Variants in ENOX1 observed in about 807,000 individuals in gnomAD.
The protein encoded by ENOX1 is candidate growth-related and time keeping constitutive hydroquinone (NADH) oxidase.
A neutral mutation model predicts 82.5 loss-of-function variants in ENOX1; 42 were observed. That is an observed-to-expected ratio of 0.51 (90% CI 0.40 to 0.66). The LOEUF (loss-of-function observed/expected upper bound fraction) is 0.66, where lower values mean the gene tolerates loss of function less well. Ranked by LOEUF, ENOX1 falls within the 30% of genes least tolerant of loss-of-function variation. The pLI, the probability that ENOX1 is intolerant of heterozygous loss-of-function variation, is 0.00. For synonymous variants in ENOX1, 271 were observed against 282.2 expected (o/e 0.96, Z 0.40); for missense variants, 608 against 811.6 (o/e 0.75, Z 3.05).
At chr13:43,258,440 G>C (rs2043872204) in intron 14 of ENOX1, among the ~76,000 whole-genome samples, 1 of 152,188 alleles carries the variant, frequency 6.6e-6, no homozygotes, top group African/African-American at 2.4e-5. Flanking sequence ...GTTGTAGAGG[G>C]AGAGCAGGGT....
intron 2 of ENOX1, chr13:43,545,588 GC>G (rs2078941238): frequency 6.6e-6 from 1 of 152,404 alleles, no homozygotes; most frequent in African/African-American, 2.4e-5. Context: ...CCAGGATCCT[GC>G]CTCTCTCCCT....
intron 3 of ENOX1, among the ~76,000 whole-genome samples, chr13:43,436,161 G>A (rs1214588015): frequency 6.6e-6 from 1 of 152,142 alleles, no homozygotes; most frequent in East Asian, 1.9e-4. Flanking sequence ...AAGTTGCTTT[G>A]AGAAAAATGT....
At chr13:43,704,047 A>G (rs1467532240) in intron 1 of ENOX1, among the ~76,000 whole-genome samples, 5 of 152,078 alleles carry the variant, frequency 3.3e-5, no homozygotes, top group Non-Finnish European at 2.9e-5. Flanking sequence ...AGAATTATGG[A>G]TAACAAATTA....
chr13:43,472,987 A>T (rs1021691347), intron 3 of ENOX1, among the ~76,000 whole-genome samples: 3 of 152,222 alleles, frequency 2.0e-5, no homozygotes, highest in African/African-American at 7.2e-5. Context: ...AATAAAAGGG[A>T]GTAGAATTTC....
At chr13:43,431,781 C>G (rs1239536458) in intron 3 of ENOX1, among the ~76,000 whole-genome samples, 1 of 152,128 alleles carries the variant, frequency 6.6e-6, no homozygotes, top group Admixed American at 6.5e-5. Flanking sequence ...CATATGGGTC[C>G]TTGCTGACAT....
chr13:43,440,624 GTACTT>G lies in ENOX1; in HGVS notation c.-74-27641_-74-27637del, dbSNP rs562270671. Reference sequence around the variant, plus strand: ...ATCTCATGTAGTTTCCATAAAAACTGTACTTTACCAATCAGAAAACTAAAAATAAG... The same window carrying G: ...ATCTCATGTAGTTTCCATAAAAACTGTACCAATCAGAAAACTAAAAATAAG... On this transcript the variant is annotated intron_variant, in intron 3 of 16. Coordinates refer to ENST00000690772, the MANE Select transcript of ENOX1 (RefSeq NM_001347969.2). 5.5e-4 allele frequency among the ~76,000 whole-genome samples: 83 copies of G among 152,184 alleles called. No homozygotes were observed. In the East Asian group the frequency reaches 0.016, roughly 29 times the overall value.
intron 1 of ENOX1, among the ~76,000 whole-genome samples, chr13:43,669,332 T>C (rs925968608): frequency 1.3e-5 from 2 of 152,196 alleles, no homozygotes; most frequent in African/African-American, 4.8e-5. Context: ...CTTCTCTTCC[T>C]CCTGAATTTA....
chr13:43,675,648 C>T (rs550756488), intron 1 of ENOX1, among the ~76,000 whole-genome samples: 19 of 152,274 alleles, frequency 1.2e-4, no homozygotes, highest in African/African-American at 3.9e-4. Context: ...TCCCAATTAA[C>T]ATGCAAGGAA....
chr13:43,468,941 G>A (rs2057866304), intron 3 of ENOX1, among the ~76,000 whole-genome samples: 1 of 152,068 alleles, frequency 6.6e-6, no homozygotes, highest in South Asian at 2.1e-4. Context: ...ACTGGTCTTT[G>A]TATATTGATT....
At chr13:43,582,945 G>A (rs988810823) in intron 2 of ENOX1, among the ~76,000 whole-genome samples, 1 of 151,890 alleles carries the variant, frequency 6.6e-6, no homozygotes, top group African/African-American at 2.4e-5. Flanking sequence ...CACAAATAAA[G>A]AAGATTGTTA....
At chr13:43,618,739 G>T (rs1014753752) in intron 2 of ENOX1, among the ~76,000 whole-genome samples, 2 of 152,002 alleles carry the variant, frequency 1.3e-5, no homozygotes, top group African/African-American at 4.8e-5. Context: ...GGTTCCATAT[G>T]AATTCTAGAA....
chr13:43,680,447 A>G (rs1323618897), intron 1 of ENOX1, among the ~76,000 whole-genome samples: 1 of 152,088 alleles, frequency 6.6e-6, no homozygotes, highest in African/African-American at 2.4e-5. Context: ...CAAGCACTAT[A>G]CCAATTCTAA....
At chr13:43,504,802 G>A (rs757779984) in intron 2 of ENOX1, among the ~76,000 whole-genome samples, 3 of 151,220 alleles carry the variant, frequency 2.0e-5, no homozygotes, top group Admixed American at 6.6e-5. Context: ...TTATTTGCTC[G>A]ATCTTATGTT....
At chr13:43,355,446 C>A (rs1431116441) in intron 8 of ENOX1, among the ~76,000 whole-genome samples, 2 of 152,222 alleles carry the variant, frequency 1.3e-5, no homozygotes, top group Non-Finnish European at 2.9e-5. Flanking sequence ...AGTACCATGT[C>A]TGCTGTTTTG....
At chr13:43,734,654 G>A (rs17600057) in intron 1 of ENOX1, among the ~76,000 whole-genome samples, 11,627 of 152,146 alleles carry the variant, frequency 0.076, 654 homozygotes, top group East Asian at 0.21. Context: ...TTCAACATCC[G>A]TGGGTATGAG....
chr13:43,283,972 C>A (rs889192336), intron 12 of ENOX1, among the ~76,000 whole-genome samples: 6 of 151,962 alleles, frequency 3.9e-5, no homozygotes, highest in Admixed American at 2.6e-4. Flanking sequence ...TCCAGATATA[C>A]AAAATTTATT....
At chr13:43,576,685 A>G (rs1462447114) in intron 2 of ENOX1, among the ~76,000 whole-genome samples, 1 of 152,208 alleles carries the variant, frequency 6.6e-6, no homozygotes, top group Non-Finnish European at 1.5e-5. Flanking sequence ...AGGTTGTCTT[A>G]AGACACTAGT....
intron 15 of ENOX1, among the ~76,000 whole-genome samples, chr13:43,227,893 G>C (rs2042098265): frequency 6.6e-6 from 1 of 152,018 alleles, no homozygotes; most frequent in Non-Finnish European, 1.5e-5. Flanking sequence ...TAGAGACACA[G>C]CCGAAAGGAA....
At chr13:43,782,140 AT>A (rs1427871647) in intron 1 of ENOX1, among the ~76,000 whole-genome samples, 1 of 152,240 alleles carries the variant, frequency 6.6e-6, no homozygotes, top group Non-Finnish European at 1.5e-5. Flanking sequence ...AAAGAAAAAA[AT>A]GTAAGTATTG....
Sources: gnomAD v4.1 joint callset for allele counts (sites outside exome capture counted in the v4.1 genomes callset) on GRCh38, gnomAD v4.1.1 for gene constraint, MANE v1.5 for transcripts, NCBI Gene and HGNC (gene_info 2026-07-23, HGNC 2026-07-21) for gene names.